Variants in ARID2 observed in about 807,000 individuals in gnomAD.
ARID2 encodes the protein AT-rich interactive domain-containing protein 2.
ARID2 carries 32 observed loss-of-function variants against 184.6 expected under a neutral mutation model. The observed-to-expected ratio is 0.17, with a 90% CI of 0.13 to 0.23. The LOEUF (loss-of-function observed/expected upper bound fraction) is 0.23. Among genes scored for constraint, ARID2 ranks in the 10% least tolerant of loss-of-function variants. ARID2 has a pLI of 1.00. For missense variants in ARID2, 1,696 were observed against 2,197.6 expected, an observed-to-expected ratio of 0.77 and a Z score of 4.56; for synonymous variants, 836 against 772.6, an observed-to-expected ratio of 1.08 and a Z score of -1.36.
intron 16 of ARID2, among the ~76,000 whole-genome samples, chr12:45,890,182 T>C (rs1163008246): frequency 6.6e-6 from 1 of 152,224 alleles, no homozygotes; most frequent in Non-Finnish European, 1.5e-5. Context: ...GATAGACTAA[T>C]GAACACTTAA....
chr12:45,855,487 T>C (rs777012842), intron 15 of ARID2, among the ~76,000 whole-genome samples: 2 of 152,232 alleles, frequency 1.3e-5, no homozygotes, highest in Non-Finnish European at 2.9e-5. Flanking sequence ...ATATAGCACT[T>C]AGCCCAGTGC....
At chr12:45,893,379 C>A (rs2136461963) in intron 18 of ARID2, 41 bp from the exon 19 acceptor site, 1 of 1,571,500 alleles carries the variant, frequency 6.4e-7, no homozygotes, top group Non-Finnish European at 8.6e-7. Flanking sequence ...TCTGCAGTAT[C>A]ACGTTAATTC....
intron 3 of ARID2, among the ~76,000 whole-genome samples, chr12:45,796,547 T>C (rs1942396259): frequency 1.3e-5 from 2 of 152,320 alleles, no homozygotes; most frequent in Non-Finnish European, 1.5e-5. Context: ...GAAGTATTGC[T>C]CTGTCGTCCA....
Position 45,729,758 on chromosome 12 carries a change from T to C in ARID2, c.-79T>C, listed in dbSNP as rs1940933253. The C allele has an allele frequency of 7.2e-7, 1 of 1,397,892 alleles. No individual in the cohort carries two copies. Among genetic ancestry groups the C allele is most frequent in the Non-Finnish European group, 9.8e-7 (1 of 1,015,544 alleles). 86.6% of individuals were successfully genotyped at this position (1,397,892 alleles called of 1,614,324 possible). On this transcript the variant is annotated 5_prime_UTR_variant, in exon 1 of 21. Coordinates refer to ENST00000334344, the MANE Select transcript of ARID2 (RefSeq NM_152641.4). ...GCCGGCCGAGGAATGGGCTCCGGGC[T>C]CTGGTAGGAAGCGCTGGGAGCGGGG... is the stretch of plus-strand genomic sequence containing the variant.
At chr12:45,792,805 T>C (rs1942317189) in intron 3 of ARID2, among the ~76,000 whole-genome samples, 1 of 152,194 alleles carries the variant, frequency 6.6e-6, no homozygotes, top group South Asian at 2.1e-4. Context: ...TTATCTTTAA[T>C]AGAGGTTTTT....
intron 20 of ARID2, among the ~76,000 whole-genome samples, chr12:45,902,828 A>C (rs1592150625): frequency 6.6e-6 from 1 of 152,146 alleles, no homozygotes; most frequent in South Asian, 2.1e-4. Context: ...TTTTTAAATC[A>C]ATTTTTGTAC....
chr12:45,873,456 C>T (rs1358556944), intron 16 of ARID2, among the ~76,000 whole-genome samples: 1 of 152,086 alleles, frequency 6.6e-6, no homozygotes, highest in Non-Finnish European at 1.5e-5. Flanking sequence ...TTTTATGTTG[C>T]CATTTTCTCC....
chr12:45,846,667 ACAGTGCCTGGT>A (rs1472419268), intron 11 of ARID2, among the ~76,000 whole-genome samples, 178 bp from the exon 12 acceptor site: 1 of 152,132 alleles, frequency 6.6e-6, no homozygotes, highest in East Asian at 1.9e-4. Context: ...ATCCTCTAAG[ACAGTGCCTGGT>A]ATGATATGTG....
rs1943561550 is a variant in ARID2 at position 45,852,033 on chromosome 12, C to T, written c.3910C>T (p.Leu1304=). ...LNGRKYSDSS[L]PPSNSGKIQS... ...TGGGAGAAAGTACAGTGACTCAAGT[C>T]TACCTCCTTCAAACTCAGGGAAAAT... Residue 1304 remains leucine, a synonymous_variant, in exon 15 of 21, where the codon CTA becomes TTA. Coordinates refer to ENST00000334344, the MANE Select transcript of ARID2 (RefSeq NM_152641.4). 1.2e-6 allele frequency: 2 copies of T among 1,614,120 alleles called. No homozygotes were observed. The highest frequency in any genetic ancestry group is 1.7e-6 in the Non-Finnish European group (2 of 1,180,004).
intron 16 of ARID2, among the ~76,000 whole-genome samples, chr12:45,867,181 C>T (rs1943844049): frequency 6.6e-6 from 1 of 152,050 alleles, no homozygotes; most frequent in African/African-American, 2.4e-5. Flanking sequence ...GAACTCCTGA[C>T]CTCCTGATCC....
intron 3 of ARID2, among the ~76,000 whole-genome samples, chr12:45,733,131 G>A (rs1384850326): frequency 2.6e-5 from 4 of 151,972 alleles, no homozygotes; most frequent in Admixed American, 2.6e-4. Flanking sequence ...GTTTGTTTTT[G>A]CAGGGTTGTA....
chr12:45,819,692 T>C (rs1378088409), intron 5 of ARID2, among the ~76,000 whole-genome samples: 3 of 151,954 alleles, frequency 2.0e-5, no homozygotes, highest in Non-Finnish European at 4.4e-5. Flanking sequence ...TTCTGCCCTA[T>C]ATTGTTTTCC....
intron 3 of ARID2, among the ~76,000 whole-genome samples, chr12:45,744,841 T>C (rs929275898): frequency 1.3e-5 from 2 of 152,240 alleles, no homozygotes; most frequent in African/African-American, 4.8e-5. Flanking sequence ...AAATGTGTTA[T>C]GTTTTTACAT....
chr12:45,753,325 A>G (rs944318767), intron 3 of ARID2, among the ~76,000 whole-genome samples: 5 of 151,352 alleles, frequency 3.3e-5, no homozygotes, highest in Non-Finnish European at 7.4e-5. Flanking sequence ...TTCCCCCCTC[A>G]TGATGGTCTG....
intron 16 of ARID2, among the ~76,000 whole-genome samples, chr12:45,871,056 T>G (rs1447424387): frequency 6.6e-6 from 1 of 152,250 alleles, no homozygotes; most frequent in Non-Finnish European, 1.5e-5. Context: ...CCAAAGTGTC[T>G]GTACGATTTT....
rs2138168574 is a variant in ARID2, at chr12:45,851,176, C to G, written c.3053C>G (p.Ser1018Ter). The change falls in exon 15 of 21, where the codon TCA becomes TGA. Residue 1018 changes from serine (S) to a stop codon, truncating the protein, a stop_gained. Transcript: ENST00000334344. LOFTEE classifies it high-confidence loss of function. ...AAAAGGCAGCAACAGCAGCAACATT[C>G]ACCAGCACCCCCACCACAGCAGGTA... ...SVKRQQQQQHSPAPPPQQVQV... is the reference protein window; with the variant it reads ...SVKRQQQQQH 6.2e-7 allele frequency: 1 copy of G among 1,614,108 alleles called. No individual in the cohort carries two copies.
At position 45,852,369 on chromosome 12, in the gene ARID2, T is replaced by G. The variant is rs1435740309; in HGVS notation, c.4246T>G (p.Ser1416Ala). ...TAKGDQLERISNGPVLTLGGS... is the reference protein window; with the variant it reads ...TAKGDQLERIANGPVLTLGGS... ...CAAAGGTGATCAACTAGAAAGAATT[T>G]CTAATGGACCTGTATTAACTTTGGG... Residue 1416 changes from serine (S) to alanine (A), a missense_variant, in exon 15 of 21, where the codon TCT (serine) becomes GCT (alanine). Physicochemically the swap from Ser to Ala is moderately conservative, Grantham distance 99. Transcript: ENST00000334344. The G allele has an allele frequency of 8.7e-6, 14 of 1,614,156 alleles. No individual in the cohort carries two copies. Among genetic ancestry groups the G allele is most frequent in the Non-Finnish European group, 1.2e-5 (14 of 1,180,014 alleles).
At chr12:45,737,944 G>A (rs1359610816) in intron 3 of ARID2, among the ~76,000 whole-genome samples, 1 of 151,810 alleles carries the variant, frequency 6.6e-6, no homozygotes, top group African/African-American at 2.4e-5. Flanking sequence ...CTTTAGTTAA[G>A]GGAAAAAAAG....
At chr12:45,825,970 G>T (rs943512113) in intron 6 of ARID2, among the ~76,000 whole-genome samples, 1 of 151,976 alleles carries the variant, frequency 6.6e-6, no homozygotes, top group Admixed American at 6.6e-5. Context: ...ATCCTTACAG[G>T]CTTGGTTTCT....
Sources: allele counts gnomAD v4.1 joint callset (sites outside exome capture counted in the v4.1 genomes callset), GRCh38; gene constraint gnomAD v4.1.1; transcripts MANE v1.5; gene names NCBI Gene and HGNC (gene_info 2026-07-23, HGNC 2026-07-21).